Variants in USP3 observed in about 807,000 individuals in gnomAD.
The protein encoded by USP3 is ubiquitin carboxyl-terminal hydrolase 3.
A neutral mutation model predicts 72.3 loss-of-function variants in USP3; 20 were observed. The ratio of observed to expected loss-of-function variants is 0.28; its 90% CI spans 0.19 to 0.40. The LOEUF (loss-of-function observed/expected upper bound fraction) is 0.40, where lower values mean the gene tolerates loss of function less well. USP3 is among the 10% of genes least tolerant of loss of function. USP3 has a pLI of 1.00. For synonymous variants in USP3, 222 were observed against 225.3 expected (o/e 0.99, Z 0.13); for missense variants, 479 against 633.9 (o/e 0.76, Z 2.62).
chr15:63,561,685 C>T (rs866235520), intron 7 of USP3, among the ~76,000 whole-genome samples: 3 of 152,172 alleles, frequency 2.0e-5, no homozygotes, highest in Admixed American at 1.3e-4. Flanking sequence ...CCTGAGAAGG[C>T]GAGTGTCTGG....
chr15:63,563,053 T>C (rs1196395570), intron 8 of USP3, 45 bp downstream of exon 8: 3 of 1,317,486 alleles, frequency 2.3e-6, no homozygotes, highest in Non-Finnish European at 3.2e-6. Flanking sequence ...TATTAGTGTT[T>C]ATACTGTTCC....
At chr15:63,552,387 CTAATT>C (rs2066449850) in intron 3 of USP3, among the ~76,000 whole-genome samples, 1 of 152,112 alleles carries the variant, frequency 6.6e-6, no homozygotes, top group African/African-American at 2.4e-5. Context: ...AAACTTTTCA[CTAATT>C]TAATTTCTTT....
At chr15:63,589,065 T>C (rs2152685003) in intron 14 of USP3, 54 bp downstream of exon 14, 1 of 1,588,620 alleles carries the variant, frequency 6.3e-7, no homozygotes, top group African/African-American at 1.3e-5. Context: ...GCCAGCCCAA[T>C]GACCTGCAGT....
At chr15:63,568,942 G>GT (rs2066737079) in intron 8 of USP3, among the ~76,000 whole-genome samples, 2 of 152,132 alleles carry the variant, frequency 1.3e-5, no homozygotes, top group Non-Finnish European at 2.9e-5. Context: ...GAAAATCACG[G>GT]TATGGTTGGA....
intron 1 of USP3, among the ~76,000 whole-genome samples, chr15:63,512,353 CTCTTCTTCT>C (rs751934853): frequency 0.067 from 3,019 of 45,002 alleles, 105 homozygotes; most frequent in African/African-American, 0.18. Context: ...CCTCCTCTTC[CTCTTCTTCT>C]TCTTTCTTCT....
chr15:63,585,777 G>A (rs1289988466), intron 11 of USP3, among the ~76,000 whole-genome samples: 1 of 149,876 alleles, frequency 6.7e-6, no homozygotes, highest in Admixed American at 6.7e-5. Flanking sequence ...TTTTTGTGGA[G>A]GGTATAAAAG....
At chr15:63,522,194 C>T (rs1039055642) in intron 1 of USP3, among the ~76,000 whole-genome samples, 1 of 152,188 alleles carries the variant, frequency 6.6e-6, no homozygotes, top group African/African-American at 2.4e-5. Context: ...CGATTAATGA[C>T]TTCTAGTCTT....
chr15:63,527,124 TGGG>T (rs2065994612), intron 1 of USP3, among the ~76,000 whole-genome samples: 1 of 152,182 alleles, frequency 6.6e-6, no homozygotes, highest in East Asian at 1.9e-4. Flanking sequence ...CTTGAACTCC[TGGG>T]CTCAAGCAAT....
At chr15:63,550,773 T>C (rs1421915226) in intron 3 of USP3, among the ~76,000 whole-genome samples, 1 of 152,220 alleles carries the variant, frequency 6.6e-6, no homozygotes, top group East Asian at 1.9e-4. Flanking sequence ...TTTTTAACTT[T>C]TTTCCTCATA....
chr15:63,548,138 TA>T (rs1051030390), intron 3 of USP3, among the ~76,000 whole-genome samples: 3 of 148,944 alleles, frequency 2.0e-5, no homozygotes, highest in Admixed American at 6.7e-5. Flanking sequence ...TACAAAAAAC[TA>T]AAAAAAAATC....
chr15:63,560,291 C>T (rs1053838561), intron 7 of USP3, among the ~76,000 whole-genome samples: 1 of 151,820 alleles, frequency 6.6e-6, no homozygotes, highest in Non-Finnish European at 1.5e-5. Context: ...TGGCGGGTAC[C>T]TGTAATCCCA....
intron 5 of USP3, 171 bp downstream of exon 5, chr15:63,556,919 C>T: frequency 1.9e-6 from 1 of 539,208 alleles, no homozygotes; most frequent in Non-Finnish European, 3.4e-6. Flanking sequence ...TTGCCGTGAC[C>T]CCAGTGAGTC....
At chr15:63,510,096 C>T (rs2065762402) in intron 1 of USP3, among the ~76,000 whole-genome samples, 1 of 152,154 alleles carries the variant, frequency 6.6e-6, no homozygotes. Flanking sequence ...CCTTTTTCCT[C>T]ATTGAAATGT....
chr15:63,512,329 C>T (rs925632025), intron 1 of USP3, among the ~76,000 whole-genome samples: 1 of 96,356 alleles, frequency 1.0e-5, no homozygotes, highest in Non-Finnish European at 2.3e-5. Flanking sequence ...CCTCTTCTTC[C>T]TCTTCCTCCT....
intron 3 of USP3, among the ~76,000 whole-genome samples, chr15:63,545,613 G>A (rs997552500): frequency 7.3e-5 from 11 of 150,494 alleles, no homozygotes; most frequent in South Asian, 2.1e-4. Flanking sequence ...TTACTTTTTC[G>A]TAAATACTGC....
chr15:63,545,970 C>CAAA (rs60122671), intron 3 of USP3, among the ~76,000 whole-genome samples: 2,633 of 68,450 alleles, frequency 0.038, 418 homozygotes, highest in African/African-American at 0.063. Context: ...GACCTTGTCT[C>CAAA]AAAAAAAAAA....
chr15:63,558,355 A>G (rs1279307192), intron 6 of USP3, among the ~76,000 whole-genome samples, 167 bp downstream of exon 6: 1 of 152,046 alleles, frequency 6.6e-6, no homozygotes, highest in African/African-American at 2.4e-5. Context: ...AGTAGTTCCT[A>G]CCTCATGGGG....
At chr15:63,590,555 G>C in intron 14 of USP3, 106 bp from the exon 15 acceptor site, 2 of 1,104,852 alleles carry the variant, frequency 1.8e-6, no homozygotes, top group Non-Finnish European at 2.4e-6. Context: ...TAAATCAAAA[G>C]TCTAGGATGT....
chr15:63,571,883 G>C (rs910635942), intron 9 of USP3, among the ~76,000 whole-genome samples: 3 of 152,178 alleles, frequency 2.0e-5, no homozygotes, highest in Non-Finnish European at 4.4e-5. Context: ...TTCCTTCAGT[G>C]CATTGGAAAA....
Sources: allele counts gnomAD v4.1 joint callset (sites outside exome capture counted in the v4.1 genomes callset), GRCh38; gene constraint gnomAD v4.1.1; transcripts MANE v1.5; gene names NCBI Gene and HGNC (gene_info 2026-07-23, HGNC 2026-07-21).